The following ASTN2 variants were observed in gnomAD, a reference collection of about 807,000 sequenced individuals.
The protein encoded by ASTN2 is astrotactin 2.
In ASTN2, 54 loss-of-function variants were observed where a neutral mutation model predicts 139.8. That is an observed-to-expected ratio of 0.39 (90% CI 0.31 to 0.48). The LOEUF (loss-of-function observed/expected upper bound fraction) is 0.48, where lower values mean the gene tolerates loss of function less well. ASTN2 is among the 20% of genes least tolerant of loss of function. The pLI is 0.95. For synonymous variants in ASTN2, 756 were observed against 719.5 expected (o/e 1.05, Z -0.81); for missense variants, 1,565 against 1,725.1 (o/e 0.91, Z 1.64).
intron 4 of ASTN2, among the ~76,000 whole-genome samples, chr9:117,123,564 A>G (rs908793356): frequency 6.6e-6 from 1 of 152,170 alleles, no homozygotes; most frequent in Non-Finnish European, 1.5e-5. Context: ...GATAAATAAG[A>G]ATACAATGAC....
chr9:116,786,972 C>T (rs769194489), intron 13 of ASTN2, among the ~76,000 whole-genome samples: 1 of 152,190 alleles, frequency 6.6e-6, no homozygotes, highest in Non-Finnish European at 1.5e-5. Flanking sequence ...TCACTGGACA[C>T]TCATTCTCTT....
chr9:117,286,597 C>T (rs1255680771), intron 2 of ASTN2, among the ~76,000 whole-genome samples: 1 of 152,168 alleles, frequency 6.6e-6, no homozygotes, highest in Non-Finnish European at 1.5e-5. Context: ...TAGTTAGGGG[C>T]CCATAATAGC....
intron 5 of ASTN2, among the ~76,000 whole-genome samples, chr9:117,084,284 C>T (rs1284615423): frequency 1.3e-5 from 2 of 152,134 alleles, no homozygotes; most frequent in East Asian, 1.9e-4. Context: ...GTGAGAGAAA[C>T]TAGAATCTCT....
At chr9:116,984,469 G>C (rs1458351669) in intron 7 of ASTN2, among the ~76,000 whole-genome samples, 2 of 152,080 alleles carry the variant, frequency 1.3e-5, no homozygotes, top group South Asian at 2.1e-4. Context: ...AATTTTTTCT[G>C]AGTCTATTGG....
chr9:116,976,742 G>A lies in ASTN2; in HGVS notation c.1635C>T (p.His545=). 6.2e-7 allele frequency: 1 copy of A among 1,614,116 alleles called. No homozygotes were observed. Among genetic ancestry groups the A allele is most frequent in the Non-Finnish European group, 8.5e-7 (1 of 1,179,990 alleles). The part of the protein sequence containing the change: ...CHEGYAPDPV[H]RHLCVRSDWG... ...AGTCACTGCGCACACACAGGTGTCT[G>A]TGAACAGGGTCAGGGGCATAGCCTT... Residue 545 remains histidine (H), a synonymous_variant, in exon 8 of 23, where the codon CAC becomes CAT. Coordinates refer to ENST00000313400, the MANE Select transcript of ASTN2 (RefSeq NM_001365068.1).
Position 117,269,723 on chromosome 9 carries a change from T to A in ASTN2, c.630+21603A>T, listed in dbSNP as rs78036739. Among the ~76,000 whole-genome samples the A allele has an allele frequency of 9.8e-3, 1,488 of 152,306 alleles. 21 individuals are homozygous for A. Among genetic ancestry groups the A allele is most frequent in the African/African-American group, 0.034 (1,405 of 41,560 alleles). Reference sequence around the variant, plus strand: ...CTCACAGCAAACAAAATGGTGTAAGTCTAGCCATCATTCTAATTTGCATAC... The same window carrying A: ...CTCACAGCAAACAAAATGGTGTAAGACTAGCCATCATTCTAATTTGCATAC... On this transcript the variant is annotated intron_variant, in intron 2 of 22. Transcript: ENST00000313400.
chr9:116,607,246 G>A (rs921084008), intron 19 of ASTN2, among the ~76,000 whole-genome samples: 1 of 152,182 alleles, frequency 6.6e-6, no homozygotes, highest in African/African-American at 2.4e-5. Context: ...ATTCAGTTCA[G>A]TGAACTGAAC....
intron 17 of ASTN2, among the ~76,000 whole-genome samples, chr9:116,621,501 C>T (rs1399108800): frequency 4.6e-5 from 7 of 152,094 alleles, no homozygotes; most frequent in African/African-American, 1.7e-4. Context: ...CCTCTCTGCA[C>T]TCCAATTTAC....
chr9:116,748,884 A>G (rs1422361742), intron 13 of ASTN2, among the ~76,000 whole-genome samples: 2 of 152,176 alleles, frequency 1.3e-5, no homozygotes, highest in African/African-American at 4.8e-5. Flanking sequence ...TGAATAATGC[A>G]AGTGTCCCCA....
At chr9:116,817,097 A>C (rs1054371696) in intron 12 of ASTN2, among the ~76,000 whole-genome samples, 4 of 152,006 alleles carry the variant, frequency 2.6e-5, no homozygotes, top group African/African-American at 9.7e-5. Flanking sequence ...GATCGAGACC[A>C]TTCTAGCTAA....
intron 1 of ASTN2, among the ~76,000 whole-genome samples, chr9:117,405,044 G>A (rs1830942239): frequency 1.3e-5 from 2 of 152,292 alleles, no homozygotes; most frequent in African/African-American, 2.4e-5. Context: ...GCAGCAAGGA[G>A]CAAGCAAAGG....
intron 16 of ASTN2, among the ~76,000 whole-genome samples, chr9:116,673,267 A>G (rs1235375602): frequency 2.6e-5 from 4 of 152,110 alleles, no homozygotes; most frequent in African/African-American, 9.7e-5. Flanking sequence ...GTTTTGTCCA[A>G]TTCTTTGTTC....
chr9:116,456,117 C>G (rs182656064), intron 20 of ASTN2, among the ~76,000 whole-genome samples: 2 of 151,546 alleles, frequency 1.3e-5, no homozygotes, highest in Non-Finnish European at 2.9e-5. Context: ...TTTGAAGACA[C>G]CTAAGATTCC....
chr9:116,862,829 CACACACACACACAT>C (rs1239364328), intron 11 of ASTN2, among the ~76,000 whole-genome samples: 6 of 89,064 alleles, frequency 6.7e-5, no homozygotes, highest in East Asian at 6.5e-4. Context: ...CACACACACA[CACACACACACACAT>C]ACACGTTAAA....
chr9:116,605,117 G>A (rs1386774131), intron 19 of ASTN2, among the ~76,000 whole-genome samples: 2 of 151,946 alleles, frequency 1.3e-5, no homozygotes, highest in African/African-American at 4.8e-5. Context: ...AAGAAGGAAG[G>A]AGAGAGGAAA....
At chr9:116,466,308 CA>C (rs1848646034) in intron 20 of ASTN2, among the ~76,000 whole-genome samples, 1 of 152,178 alleles carries the variant, frequency 6.6e-6, no homozygotes, top group Non-Finnish European at 1.5e-5. Context: ...ACTAAGACAG[CA>C]TTAAGGCACT....
chr9:116,784,150 A>T lies in ASTN2; in HGVS notation c.2396+21482T>A, dbSNP rs149703192. Among the ~76,000 whole-genome samples the T allele has an allele frequency of 3.1e-4, 47 of 152,324 alleles. No individual in the cohort carries two copies. The East Asian group carries it at 7.9e-3, about 26-fold the overall frequency. ...GATCAAGACTGCACTCTACAGAGCT[A>T]GGATTTGAACCCACATCTACTTAGC... On this transcript the variant is annotated intron_variant, in intron 13 of 22. Coordinates refer to ENST00000313400, the MANE Select transcript of ASTN2 (RefSeq NM_001365068.1).
chr9:117,256,316 C>T (rs767683054), intron 2 of ASTN2, among the ~76,000 whole-genome samples: 1 of 152,168 alleles, frequency 6.6e-6, no homozygotes, highest in East Asian at 1.9e-4. Flanking sequence ...AATCCTGGGG[C>T]ATCTGCAGCT....
intron 14 of ASTN2, among the ~76,000 whole-genome samples, chr9:116,732,952 A>G (rs1003595180): frequency 2.6e-5 from 4 of 152,184 alleles, no homozygotes; most frequent in African/African-American, 9.6e-5. Flanking sequence ...TACAAAAACG[A>G]GCTGTGTAAC....
Sources: gnomAD v4.1 joint callset for allele counts (sites outside exome capture counted in the v4.1 genomes callset) on GRCh38, gnomAD v4.1.1 for gene constraint, MANE v1.5 for transcripts, NCBI Gene and HGNC (gene_info 2026-07-23, HGNC 2026-07-21) for gene names.